The following REC114 variants were observed in gnomAD, a reference collection of about 807,000 sequenced individuals.
REC114 encodes the protein meiotic recombination protein REC114.
A neutral mutation model predicts 31.3 loss-of-function variants in REC114; 27 were observed. That is an observed-to-expected ratio of 0.86 (90% CI 0.64 to 1.19). The LOEUF is 1.19. Ranked by LOEUF, REC114 falls within the 50% of genes most tolerant of loss-of-function variation. REC114 has a pLI of 0.00. For synonymous variants in REC114, 134 were observed against 127.7 expected, an observed-to-expected ratio of 1.05 and a Z score of -0.33; for missense variants, 344 against 326.9, an observed-to-expected ratio of 1.05 and a Z score of -0.40.
intron 2 of REC114, among the ~76,000 whole-genome samples, chr15:73,506,153 AG>A (rs1268309542): frequency 2.0e-5 from 3 of 152,210 alleles, no homozygotes; most frequent in African/African-American, 7.2e-5. Context: ...CATAAATGAA[AG>A]GTTAAAAAAA....
intron 2 of REC114, among the ~76,000 whole-genome samples, chr15:73,500,345 G>C (rs1271910089): frequency 1.9e-5 from 1 of 52,336 alleles, no homozygotes; most frequent in Non-Finnish European, 4.5e-5. Context: ...TTCCTTCACA[G>C]AAATAGCAAA....
intron 1 of REC114, among the ~76,000 whole-genome samples, chr15:73,473,366 G>T (rs912055623): frequency 4.0e-5 from 6 of 151,768 alleles, no homozygotes; most frequent in African/African-American, 1.2e-4. Flanking sequence ...TCCAGCCTGG[G>T]CAACAAGAGT....
chr15:73,551,270 T>C, intron 4 of REC114, 120 bp downstream of exon 4: 1 of 1,001,150 alleles, frequency 1.0e-6, no homozygotes, highest in Non-Finnish European at 1.5e-6. Context: ...AACATCTATG[T>C]TCGGTGACTT....
At chr15:73,458,431 A>T (rs755861520) in intron 1 of REC114, among the ~76,000 whole-genome samples, 1 of 152,200 alleles carries the variant, frequency 6.6e-6, no homozygotes, top group Non-Finnish European at 1.5e-5. Context: ...CAGATGTAGG[A>T]GTATCATCAA....
chr15:73,551,221 A>AGTGGAGTTT, intron 4 of REC114, 71 bp downstream of exon 4: 2 of 1,397,466 alleles, frequency 1.4e-6, no homozygotes, highest in Non-Finnish European at 2.0e-6. Context: ...CCAAAATGAC[A>AGTGGAGTTT]GTGGAGTTTG....
chr15:73,520,060 G>A (rs1483058776), intron 2 of REC114, among the ~76,000 whole-genome samples: 2 of 152,138 alleles, frequency 1.3e-5, no homozygotes, highest in Non-Finnish European at 2.9e-5. Flanking sequence ...GTATAACACT[G>A]TGAATGCATA....
chr15:73,500,771 G>A (rs1435555357), intron 2 of REC114, among the ~76,000 whole-genome samples: 1 of 88,836 alleles, frequency 1.1e-5, no homozygotes, highest in African/African-American at 4.2e-5. Context: ...TCATTTTCTT[G>A]ATTACCCAAA....
At chr15:73,491,334 A>G (rs1595868643) in intron 2 of REC114, among the ~76,000 whole-genome samples, 1 of 151,266 alleles carries the variant, frequency 6.6e-6, no homozygotes, top group East Asian at 2.0e-4. Context: ...GTATTTGTGT[A>G]TTATCTTAAT....
intron 3 of REC114, among the ~76,000 whole-genome samples, chr15:73,543,335 T>C (rs939585836): frequency 2.0e-5 from 3 of 152,120 alleles, no homozygotes; most frequent in Non-Finnish European, 4.4e-5. Context: ...ATGGTTTTTT[T>C]GTTTGTTTGT....
intron 2 of REC114, among the ~76,000 whole-genome samples, chr15:73,491,577 A>G (rs930789380): frequency 2.0e-5 from 3 of 152,198 alleles, no homozygotes; most frequent in African/African-American, 7.2e-5. Flanking sequence ...AAGTAACTTC[A>G]AAAGAAACTT....
intron 2 of REC114, among the ~76,000 whole-genome samples, chr15:73,491,016 G>A (rs1893433776): frequency 6.6e-6 from 1 of 152,144 alleles, no homozygotes; most frequent in African/African-American, 2.4e-5. Context: ...CTGAATTAAA[G>A]AAGAACATCG....
chr15:73,502,653 T>C (rs189628618), intron 2 of REC114, among the ~76,000 whole-genome samples: 10 of 152,258 alleles, frequency 6.6e-5, no homozygotes, highest in African/African-American at 2.4e-4. Context: ...TGCTGTCTTA[T>C]GGGTGGCAGA....
chr15:73,558,757 C>G (rs1363344972), intron 5 of REC114, among the ~76,000 whole-genome samples: 1 of 152,206 alleles, frequency 6.6e-6, no homozygotes. Context: ...TTGGCAGTTT[C>G]TTACAAAGTT....
At chr15:73,448,793 A>G in intron 1 of REC114, among the ~76,000 whole-genome samples, 1 of 152,156 alleles carries the variant, frequency 6.6e-6, no homozygotes, top group East Asian at 1.9e-4. Flanking sequence ...CAAAGCTTCC[A>G]GAGTAAGGAA....
chr15:73,492,378 AATCT>A (rs2141303458), intron 2 of REC114, among the ~76,000 whole-genome samples: 1 of 152,282 alleles, frequency 6.6e-6, no homozygotes, highest in African/African-American at 2.4e-5. Flanking sequence ...AATATATAAC[AATCT>A]ATCCATTGAT....
At chr15:73,529,950 T>C (rs111986028) in intron 2 of REC114, among the ~76,000 whole-genome samples, 9 of 152,360 alleles carry the variant, frequency 5.9e-5, no homozygotes, top group South Asian at 4.1e-4. Context: ...TTCTAGATGA[T>C]AAAAATTGTA....
At chr15:73,539,352 G>A (rs915893804) in intron 2 of REC114, among the ~76,000 whole-genome samples, 19 of 133,986 alleles carry the variant, frequency 1.4e-4, no homozygotes, top group South Asian at 5.0e-4. Flanking sequence ...GTGCAGTGGC[G>A]CAATCTCGGC....
chr15:73,532,081 C>T (rs1035538125), intron 2 of REC114, among the ~76,000 whole-genome samples: 2 of 151,118 alleles, frequency 1.3e-5, no homozygotes, highest in African/African-American at 4.9e-5. Flanking sequence ...TGAGCTGCAC[C>T]CACTAACTCG....
chr15:73,482,271 T>C (rs904013015), intron 2 of REC114, among the ~76,000 whole-genome samples: 1 of 152,214 alleles, frequency 6.6e-6, no homozygotes, highest in Non-Finnish European at 1.5e-5. Context: ...GTATCCCTCA[T>C]GAATGGCTTG....
Sources: gnomAD v4.1 joint callset for allele counts (sites outside exome capture counted in the v4.1 genomes callset) on GRCh38, gnomAD v4.1.1 for gene constraint, MANE v1.5 for transcripts, NCBI Gene and HGNC (gene_info 2026-07-23, HGNC 2026-07-21) for gene names.